The following TTLL5 variants were observed in gnomAD, a reference collection of about 807,000 sequenced individuals.
TTLL5 encodes tubulin polyglutamylase TTLL5.
In TTLL5, 132 loss-of-function variants were observed where a neutral mutation model predicts 168.4. The observed-to-expected ratio is 0.78, with a 90% CI of 0.68 to 0.91. The LOEUF (loss-of-function observed/expected upper bound fraction) is 0.91, where lower values mean the gene tolerates loss of function less well. Among genes scored for constraint, TTLL5 ranks in the 40% least tolerant of loss-of-function variants. The pLI, the probability that TTLL5 is intolerant of heterozygous loss-of-function variation, is 0.00. For missense variants in TTLL5, 1,545 were observed against 1,581.5 expected (o/e 0.98, Z 0.39); for synonymous variants, 546 against 558.6 (o/e 0.98, Z 0.32).
At chr14:75,782,702 T>C in intron 25 of TTLL5, 129 bp downstream of exon 25, 1 of 822,446 alleles carries the variant, frequency 1.2e-6, no homozygotes, top group Non-Finnish European at 1.8e-6. Flanking sequence ...TTCTTTTTCC[T>C]TTTCCCTTAG....
At chr14:75,758,702 G>A (rs549993304) in intron 18 of TTLL5, among the ~76,000 whole-genome samples, 30 of 152,272 alleles carry the variant, frequency 2.0e-4, no homozygotes, top group African/African-American at 5.5e-4. Context: ...ATGATACAGA[G>A]TATGTTCTTT....
In TTLL5 at chr14:75,760,774, T is replaced by G. The variant is rs1339313844; in HGVS notation, c.1551-3841T>G. 2.6e-5 allele frequency among the ~76,000 whole-genome samples: 4 copies of G among 152,218 alleles called. No individual in the cohort carries two copies. The East Asian group carries it at 7.7e-4, about 29-fold the overall frequency. On this transcript the variant is annotated intron_variant, in intron 18 of 31. Transcript: ENST00000298832. ...GTTTCCCATAGAAATTAGAGATGAT[T>G]CATAGATACAAAAATGATTACTATA...
At chr14:75,678,510 C>T (rs531334847) in intron 3 of TTLL5, among the ~76,000 whole-genome samples, 2 of 152,268 alleles carry the variant, frequency 1.3e-5, no homozygotes, top group South Asian at 2.1e-4. Context: ...TATTCAGGAT[C>T]CAATCAAATA....
chr14:75,747,748 A>C (rs1309459886), intron 17 of TTLL5, among the ~76,000 whole-genome samples: 1 of 151,942 alleles, frequency 6.6e-6, no homozygotes, highest in African/African-American at 2.4e-5. Flanking sequence ...TCAATTTGCA[A>C]CCTCATGTGA....
chr14:75,859,451 G>A (rs1389565580), intron 28 of TTLL5, among the ~76,000 whole-genome samples: 1 of 152,154 alleles, frequency 6.6e-6, no homozygotes, highest in East Asian at 1.9e-4. Context: ...TATGTAAAGG[G>A]GAAATACAGC....
chr14:75,797,247 G>T (rs181459674), intron 27 of TTLL5, among the ~76,000 whole-genome samples: 15 of 152,200 alleles, frequency 9.9e-5, no homozygotes, highest in African/African-American at 3.6e-4. Flanking sequence ...GTATAGCAGT[G>T]CTACTGATTT....
At chr14:75,949,975 G>A (rs1021280032) in intron 31 of TTLL5, among the ~76,000 whole-genome samples, 1 of 152,114 alleles carries the variant, frequency 6.6e-6, no homozygotes, top group Admixed American at 6.5e-5. Context: ...ATGAAAGAGA[G>A]AAGAACCCTT....
chr14:75,724,490 C>T (rs770576463), intron 12 of TTLL5, among the ~76,000 whole-genome samples: 12 of 152,044 alleles, frequency 7.9e-5, no homozygotes, highest in Non-Finnish European at 1.5e-4. Context: ...ACAAACTACC[C>T]GAAACTTTGT....
rs768544406 is a variant in TTLL5, at chr14:75,775,643, C to T, written c.2283+13C>T. The stretch of plus-strand genomic sequence containing the variant: ...TGTATACAACAAGGTAAGTCTTTTT[C>T]TGTTAGTCTTGTGCTTTGGATTGCC... On this transcript the variant is annotated intron_variant, in intron 22 of 31. Transcript: ENST00000298832. The T allele has an allele frequency of 7.4e-6, 12 of 1,613,628 alleles. No homozygotes were observed. The highest frequency in any genetic ancestry group is 1.0e-5 in the Non-Finnish European group (12 of 1,179,726).
intron 31 of TTLL5, among the ~76,000 whole-genome samples, chr14:75,946,922 G>A (rs142873703): frequency 3.1e-4 from 47 of 152,368 alleles, no homozygotes; most frequent in Non-Finnish European, 5.3e-4. Flanking sequence ...TGCCTGGAGG[G>A]AGGGATGTGG....
chr14:75,786,249 A>AT (rs1228414918), intron 26 of TTLL5, among the ~76,000 whole-genome samples: 2 of 152,100 alleles, frequency 1.3e-5, no homozygotes, highest in Non-Finnish European at 2.9e-5. Context: ...AGTTTGAACT[A>AT]TTTTTTCCCC....
At chr14:75,737,711 A>ATT in intron 15 of TTLL5, 1 of 1,204,338 alleles carries the variant, frequency 8.3e-7, no homozygotes, top group Non-Finnish European at 1.2e-6. Context: ...TTATGTACCT[A>ATT]TTTTTTTGCG....
At chr14:75,690,090 TA>T in intron 5 of TTLL5, 101 bp from the exon 6 acceptor site, 1 of 1,270,784 alleles carries the variant, frequency 7.9e-7, no homozygotes, top group South Asian at 1.4e-5. Flanking sequence ...CTATCTTCAC[TA>T]ACCGGTCTAG....
Position 75,717,723 on chromosome 14 carries a change from G to A in TTLL5, c.741-138G>A, listed in dbSNP as rs930298048. 5 of 721,886 alleles carry A rather than the reference G, an allele frequency of 6.9e-6. No homozygotes were observed. The East Asian group carries it at 1.4e-4, about 20-fold the overall frequency. 44.7% of individuals were successfully genotyped at this position (721,886 alleles called of 1,614,324 possible). On this transcript the variant is annotated intron_variant, in intron 9 of 31. Coordinates refer to ENST00000298832, the MANE Select transcript of TTLL5 (RefSeq NM_015072.5). Reference sequence around the variant, plus strand: ...ACATTATAAAACACTTAGAATGGGAGTTAGCACTTAGTAGGCACTTGGTAT... The same window carrying A: ...ACATTATAAAACACTTAGAATGGGAATTAGCACTTAGTAGGCACTTGGTAT...
At chr14:75,732,541 A>C in intron 13 of TTLL5, 122 bp downstream of exon 13, 1 of 770,200 alleles carries the variant, frequency 1.3e-6, no homozygotes, top group Non-Finnish European at 2.1e-6. Flanking sequence ...TTAGGTGGAG[A>C]TAACCAGACT....
intron 5 of TTLL5, 87 bp downstream of exon 5, chr14:75,683,743 G>T: frequency 1.0e-6 from 1 of 981,616 alleles, no homozygotes; most frequent in Non-Finnish European, 1.6e-6. Context: ...TGTCCTTAAA[G>T]AAGAGGAAGA....
chr14:75,769,754 C>CT (rs1248862708), intron 20 of TTLL5, among the ~76,000 whole-genome samples: 1 of 152,130 alleles, frequency 6.6e-6, no homozygotes, highest in African/African-American at 2.4e-5. Context: ...AACTGAGGAT[C>CT]TTTTAAATTT....
At chr14:75,882,068 A>C (rs990323970) in intron 29 of TTLL5, among the ~76,000 whole-genome samples, 2 of 152,162 alleles carry the variant, frequency 1.3e-5, no homozygotes, top group African/African-American at 4.8e-5. Flanking sequence ...CAAATGTAAA[A>C]TCTTATGTTA....
chr14:75,848,248 A>T (rs1295674326), intron 28 of TTLL5, among the ~76,000 whole-genome samples: 1 of 152,004 alleles, frequency 6.6e-6, no homozygotes, highest in Non-Finnish European at 1.5e-5. Flanking sequence ...TGGGGCAGGA[A>T]TTCTAAATTT....
Sources: gnomAD v4.1 joint callset for allele counts (sites outside exome capture counted in the v4.1 genomes callset) on GRCh38, gnomAD v4.1.1 for gene constraint, MANE v1.5 for transcripts, NCBI Gene and HGNC (gene_info 2026-07-23, HGNC 2026-07-21) for gene names.